Variants in NDST4 observed in about 807,000 individuals in gnomAD.
The protein encoded by NDST4 is N-deacetylase and N-sulfotransferase 4, also known as N-heparan sulfate sulfotransferase 4.
A neutral mutation model predicts 100.8 loss-of-function variants in NDST4; 63 were observed. The observed-to-expected ratio is 0.62, with a 90% CI of 0.51 to 0.77. NDST4 has a LOEUF of 0.77. Ranked by LOEUF, NDST4 falls within the 30% of genes least tolerant of loss-of-function variation. The pLI, the probability that NDST4 is intolerant of heterozygous loss-of-function variation, is 0.00. For synonymous variants in NDST4, 377 were observed against 361.8 expected (o/e 1.04, Z -0.48); for missense variants, 943 against 1,018.4 (o/e 0.93, Z 1.01).
chr4:115,059,764 G>A (rs931501802), intron 2 of NDST4, among the ~76,000 whole-genome samples: 1 of 151,878 alleles, frequency 6.6e-6, no homozygotes, highest in Non-Finnish European at 1.5e-5. Flanking sequence ...GTCATTTCAA[G>A]GTTTTCTAAA....
At chr4:114,982,286 G>C (rs1300333150) in intron 2 of NDST4, among the ~76,000 whole-genome samples, 1 of 152,216 alleles carries the variant, frequency 6.6e-6, no homozygotes, top group Non-Finnish European at 1.5e-5. Flanking sequence ...GAGACTTGTT[G>C]AATGGTTGTG....
intron 6 of NDST4, among the ~76,000 whole-genome samples, chr4:114,894,142 C>G (rs113401775): frequency 6.6e-6 from 1 of 152,076 alleles, no homozygotes; most frequent in East Asian, 1.9e-4. Context: ...GTTACTGTAG[C>G]CTTGTAGTAT....
rs141985016 is a variant in NDST4 at position 114,995,373 on chromosome 4, C to T, written c.979-18099G>A. On this transcript the variant is annotated intron_variant, in intron 2 of 13. Coordinates refer to ENST00000264363, the MANE Select transcript of NDST4 (RefSeq NM_022569.3). Reference sequence around the variant, plus strand: ...ATCATGTATACTATTGATTCATTTTCAATTGCTACCTCTATTTTCTATTTT... The same window carrying T: ...ATCATGTATACTATTGATTCATTTTTAATTGCTACCTCTATTTTCTATTTT... Among the ~76,000 whole-genome samples, 569 of 152,126 alleles carry T rather than the reference C, an allele frequency of 3.7e-3. 2 individuals carry two copies. The highest frequency in any genetic ancestry group is 6.8e-3 in the Non-Finnish European group (464 of 67,968).
In NDST4 at chr4:114,827,772, T is replaced by TTA; in HGVS notation, c.*43_*44insTA. On this transcript the variant is annotated 3_prime_UTR_variant, in exon 14 of 14. Transcript: ENST00000264363. ...AATAAAGGTGGATTTATTTTTTTTT[T>TTA]AACACTAAAAGTATCTTGAGAGGCT... 1.3e-6 allele frequency: 2 copies of TTA among 1,583,502 alleles called. No homozygotes were observed. The highest frequency in any genetic ancestry group is 2.2e-5 in the East Asian group (1 of 44,492).
In NDST4 at chr4:114,844,398, C is replaced by T. The variant is rs544615657; in HGVS notation, c.2115+1425G>A. Among the ~76,000 whole-genome samples, 230 of 152,306 alleles carry T rather than the reference C, an allele frequency of 1.5e-3. 1 individual carries two copies. The highest frequency in any genetic ancestry group is 5.4e-3 in the African/African-American group (224 of 41,566). On this transcript the variant is annotated intron_variant, in intron 10 of 13. Coordinates refer to ENST00000264363, the MANE Select transcript of NDST4 (RefSeq NM_022569.3). Reference sequence around the variant, plus strand: ...CTAGTGTGCCTCTCAGCTGCAACTCCTATAGGTCTCTACCTAGGATTTTCC... The same window carrying T: ...CTAGTGTGCCTCTCAGCTGCAACTCTTATAGGTCTCTACCTAGGATTTTCC...
chr4:114,975,606 C>G (rs1726615638), intron 3 of NDST4, among the ~76,000 whole-genome samples: 1 of 152,100 alleles, frequency 6.6e-6, no homozygotes, highest in African/African-American at 2.4e-5. Context: ...ACAACATTAA[C>G]TTTGCAAATG....
intron 7 of NDST4, among the ~76,000 whole-genome samples, chr4:114,860,969 C>T (rs1170028022): frequency 6.6e-6 from 1 of 152,166 alleles, no homozygotes; most frequent in East Asian, 1.9e-4. Context: ...GGTAAATCAG[C>T]AACGAAATAA....
At chr4:114,900,323 T>G (rs1277668172) in intron 6 of NDST4, among the ~76,000 whole-genome samples, 2 of 152,122 alleles carry the variant, frequency 1.3e-5, no homozygotes, top group Admixed American at 6.5e-5. Context: ...GTTTACAATT[T>G]CATTGATTTC....
intron 7 of NDST4, among the ~76,000 whole-genome samples, chr4:114,868,321 T>G (rs1221896116): frequency 2.0e-5 from 3 of 152,162 alleles, no homozygotes; most frequent in Non-Finnish European, 4.4e-5. Context: ...GCTGGTTTTT[T>G]AAATAAAACT....
chr4:114,978,461 T>C (rs1420699900), intron 2 of NDST4, among the ~76,000 whole-genome samples: 1 of 152,086 alleles, frequency 6.6e-6, no homozygotes, highest in Non-Finnish European at 1.5e-5. Context: ...GACTGGGTGT[T>C]ATCATGTTCA....
chr4:114,937,877 G>A (rs1400243428), intron 4 of NDST4, among the ~76,000 whole-genome samples: 7 of 148,154 alleles, frequency 4.7e-5, no homozygotes, highest in African/African-American at 9.9e-5. Context: ...GCGTGTGTAC[G>A]TGTGTGTGTG....
chr4:115,102,443 A>G (rs1729749728), intron 1 of NDST4, among the ~76,000 whole-genome samples: 1 of 151,924 alleles, frequency 6.6e-6, no homozygotes, highest in Admixed American at 6.6e-5. Context: ...AATATCAATG[A>G]TAACAGTAAT....
chr4:115,047,823 G>A (rs115339376), intron 2 of NDST4, among the ~76,000 whole-genome samples: 109 of 151,836 alleles, frequency 7.2e-4, no homozygotes, highest in African/African-American at 2.4e-3. Context: ...ATTATATATC[G>A]TTTATCAATC....
At chr4:115,068,547 G>A (rs908127340) in intron 2 of NDST4, among the ~76,000 whole-genome samples, 5 of 151,470 alleles carry the variant, frequency 3.3e-5, no homozygotes, top group East Asian at 2.0e-4. Flanking sequence ...GGTGGCTCAT[G>A]CCTGTAAACC....
intron 1 of NDST4, among the ~76,000 whole-genome samples, chr4:115,082,892 A>G (rs1729331406): frequency 6.6e-6 from 1 of 152,218 alleles, no homozygotes; most frequent in South Asian, 2.1e-4. Flanking sequence ...TTAAAAGTTC[A>G]GCTATTCAAA....
intron 2 of NDST4, among the ~76,000 whole-genome samples, chr4:115,016,733 G>A (rs279530): frequency 0.15 from 22,136 of 151,994 alleles, 2,065 homozygotes; most frequent in South Asian, 0.38. Context: ...ACCATGCCCT[G>A]TGATTATCAA....
At chr4:114,989,117 A>G (rs1726981005) in intron 2 of NDST4, among the ~76,000 whole-genome samples, 2 of 152,204 alleles carry the variant, frequency 1.3e-5, no homozygotes, top group Admixed American at 1.3e-4. Context: ...TAGGTGACAT[A>G]ATCTAATAAA....
chr4:114,954,209 G>A lies in NDST4; in HGVS notation c.1221+16221C>T, dbSNP rs541583827. Among the ~76,000 whole-genome samples the A allele has an allele frequency of 1.4e-3, 209 of 151,814 alleles. 1 individual carries two copies. The highest frequency in any genetic ancestry group is 4.9e-3 in the African/African-American group (201 of 41,360). ...TAAACTTAATTTTTTTGCCTATCCT[G>A]TTTTATGACTTAAAAATACTGTTTC... is the stretch of plus-strand genomic sequence containing the variant. On this transcript the variant is annotated intron_variant, in intron 4 of 13. Transcript: ENST00000264363.
At chr4:115,099,037 T>A (rs536761489) in intron 1 of NDST4, among the ~76,000 whole-genome samples, 14 of 152,112 alleles carry the variant, frequency 9.2e-5, no homozygotes, top group Non-Finnish European at 2.1e-4. Flanking sequence ...AGAACAAAGG[T>A]AATGCAATGC....
Sources: gnomAD v4.1 joint callset for allele counts (sites outside exome capture counted in the v4.1 genomes callset) on GRCh38, gnomAD v4.1.1 for gene constraint, MANE v1.5 for transcripts, NCBI Gene and HGNC (gene_info 2026-07-23, HGNC 2026-07-21) for gene names.